Variants in CACNB2 observed in about 807,000 individuals in gnomAD.
CACNB2 encodes the protein calcium voltage-gated channel auxiliary subunit beta 2, also known as voltage-dependent L-type calcium channel subunit beta-2.
A neutral mutation model predicts 73.3 loss-of-function variants in CACNB2; 42 were observed. The ratio of observed to expected loss-of-function variants is 0.57; its 90% CI spans 0.45 to 0.74. The LOEUF (loss-of-function observed/expected upper bound fraction) is 0.74. CACNB2 is among the 30% of genes least tolerant of loss of function. The probability of loss-of-function intolerance (pLI) is 0.00; values close to 1 mark genes in which losing one functional copy is unlikely to be tolerated. For missense variants in CACNB2, 940 were observed against 853.0 expected, an observed-to-expected ratio of 1.10 and a Z score of -1.27; for synonymous variants, 348 against 310.3, an observed-to-expected ratio of 1.12 and a Z score of -1.28.
chr10:18,492,138 G>C (rs1297582546), intron 3 of CACNB2, among the ~76,000 whole-genome samples: 1 of 152,094 alleles, frequency 6.6e-6, no homozygotes, highest in Non-Finnish European at 1.5e-5. Context: ...TGCCACACAT[G>C]TTTAGACAAC....
chr10:18,516,196 C>T (rs939719765), intron 7 of CACNB2, among the ~76,000 whole-genome samples: 31 of 151,574 alleles, frequency 2.0e-4, no homozygotes, highest in Non-Finnish European at 1.0e-4. Context: ...GCCTGGGCAA[C>T]AGAGCTAGAT....
In CACNB2 at chr10:18,539,240, G is replaced by C. The variant is rs758466725; in HGVS notation, c.1499G>C (p.Gly500Ala). 1 of 1,613,992 alleles carries C rather than the reference G, an allele frequency of 6.2e-7. No individual in the cohort carries two copies. The part of the protein sequence containing the change: ...TLASNSQGSQ[G>A]DQRTDRSAPI... ...TCCTTTCGCTGCCAGGGTTCTCAAG[G>C]TGATCAGAGGACTGATCGCTCCGCT... Residue 500 changes from glycine to alanine, a missense_variant, in exon 14 of 14, where the codon GGT (glycine) becomes GCT (alanine). By Grantham distance (60) the Gly-to-Ala change is moderately conservative (BLOSUM62 0). Transcript: ENST00000324631.
At chr10:18,520,136 C>G (rs2051706883) in intron 9 of CACNB2, 2 of 191,468 alleles carry the variant, frequency 1.0e-5, no homozygotes, top group Non-Finnish European at 1.1e-5. Context: ...CCAGTCTTTC[C>G]TCTAAATTCT....
intron 3 of CACNB2, among the ~76,000 whole-genome samples, chr10:18,488,112 C>G (rs2049168200): frequency 6.6e-6 from 1 of 151,394 alleles, no homozygotes; most frequent in Non-Finnish European, 1.5e-5. Context: ...CCCAGCCATT[C>G]ATGAAATACA....
intron 2 of CACNB2, among the ~76,000 whole-genome samples, chr10:18,369,510 GA>G (rs1218677211): frequency 6.6e-6 from 1 of 152,098 alleles, no homozygotes; most frequent in African/African-American, 2.4e-5. Flanking sequence ...GCATCAATAA[GA>G]AACATAAAAA....
In CACNB2 at chr10:18,536,453, G is replaced by A. The variant is rs1589758408; in HGVS notation, c.1302+257G>A. 3.3e-5 allele frequency among the ~76,000 whole-genome samples: 5 copies of A among 151,486 alleles called. No homozygotes were observed. In the South Asian group the frequency reaches 1.1e-3, roughly 32 times the overall value. Reference sequence around the variant, plus strand: ...TTTTTTTTTCCCCCTGTAGAGACGGGGTCTTGCTATGTTGCCCAGGCTGGT... The same window carrying A: ...TTTTTTTTTCCCCCTGTAGAGACGGAGTCTTGCTATGTTGCCCAGGCTGGT... On this transcript the variant is annotated intron_variant, in intron 12 of 13. Coordinates refer to ENST00000324631, the MANE Select transcript of CACNB2 (RefSeq NM_201596.3).
At chr10:18,154,505 T>C (rs775362303) in intron 2 of CACNB2, among the ~76,000 whole-genome samples, 7 of 152,082 alleles carry the variant, frequency 4.6e-5, no homozygotes, top group Non-Finnish European at 1.0e-4. Flanking sequence ...TCTCACTCTG[T>C]CGCCCAGGCT....
At chr10:18,306,900 T>C (rs1352517858) in intron 2 of CACNB2, among the ~76,000 whole-genome samples, 1 of 152,036 alleles carries the variant, frequency 6.6e-6, no homozygotes, top group Non-Finnish European at 1.5e-5. Flanking sequence ...ATATAAAAGG[T>C]TGTGATCTGA....
chr10:18,349,726 TAA>T (rs58519066), intron 2 of CACNB2, among the ~76,000 whole-genome samples: 1 of 145,582 alleles, frequency 6.9e-6, no homozygotes. Flanking sequence ...GGAGATGATT[TAA>T]AAAAAAAAAA....
At chr10:18,293,689 C>G (rs1476390307) in intron 2 of CACNB2, among the ~76,000 whole-genome samples, 3 of 152,132 alleles carry the variant, frequency 2.0e-5, no homozygotes, top group Non-Finnish European at 1.5e-5. Context: ...TAAAAATTCC[C>G]CGGTGTATCC....
intron 3 of CACNB2, among the ~76,000 whole-genome samples, chr10:18,466,044 C>T (rs1161346671): frequency 6.6e-6 from 1 of 152,134 alleles, no homozygotes; most frequent in East Asian, 1.9e-4. Flanking sequence ...ATCTAAACCT[C>T]CCAAGAGAGT....
At chr10:18,411,834 A>G (rs114765485) in intron 3 of CACNB2, among the ~76,000 whole-genome samples, 3,272 of 152,294 alleles carry the variant, frequency 0.021, 112 homozygotes, top group South Asian at 0.12. Flanking sequence ...AATATATTTG[A>G]GCAGTCATGA....
intron 2 of CACNB2, among the ~76,000 whole-genome samples, chr10:18,157,191 T>C: frequency 6.6e-6 from 1 of 152,392 alleles, no homozygotes; most frequent in Middle Eastern, 3.4e-3. Flanking sequence ...ATAATTTCTA[T>C]ATTTATCTTT....
intron 3 of CACNB2, among the ~76,000 whole-genome samples, chr10:18,470,786 C>T (rs1471770651): frequency 1.3e-5 from 2 of 152,030 alleles, no homozygotes; most frequent in African/African-American, 4.8e-5. Flanking sequence ...TTCTCAAATG[C>T]TGGGTGTGGA....
chr10:18,401,870 C>T, intron 2 of CACNB2, 54 bp from the exon 3 acceptor site: 4 of 1,597,648 alleles, frequency 2.5e-6, no homozygotes, highest in Non-Finnish European at 3.4e-6. Flanking sequence ...GAGACTTTTC[C>T]AATGCAAACA....
At chr10:18,261,037 A>T in intron 2 of CACNB2, 1 of 1,383,618 alleles carries the variant, frequency 7.2e-7, no homozygotes, top group Non-Finnish European at 9.4e-7. Flanking sequence ...GAAGATCTCA[A>T]ATTACGCCCC....
intron 9 of CACNB2, among the ~76,000 whole-genome samples, chr10:18,526,066 C>G (rs1370992391): frequency 6.6e-6 from 1 of 152,160 alleles, no homozygotes; most frequent in Non-Finnish European, 1.5e-5. Flanking sequence ...TAAAATAAGG[C>G]ATAAAATAAT....
intron 2 of CACNB2, among the ~76,000 whole-genome samples, chr10:18,156,108 G>A (rs2032028888): frequency 6.6e-6 from 1 of 151,990 alleles, no homozygotes. Flanking sequence ...AGCAGAAAAA[G>A]GCTACAAAGT....
chr10:18,174,627 C>CT (rs1343760528), intron 2 of CACNB2, among the ~76,000 whole-genome samples: 2 of 152,010 alleles, frequency 1.3e-5, no homozygotes, highest in African/African-American at 4.8e-5. Context: ...TGGTCTCGAA[C>CT]TCCTGACCTC....
Sources: gnomAD v4.1 joint callset for allele counts (sites outside exome capture counted in the v4.1 genomes callset) on GRCh38, gnomAD v4.1.1 for gene constraint, MANE v1.5 for transcripts, NCBI Gene and HGNC (gene_info 2026-07-23, HGNC 2026-07-21) for gene names.